EIF4A1: variants seen among roughly 807,000 people sequenced by gnomAD.
The protein encoded by EIF4A1 is eukaryotic translation initiation factor 4A1, also known as eukaryotic initiation factor 4A-I.
A neutral mutation model predicts 53.5 loss-of-function variants in EIF4A1; 11 were observed. That is an observed-to-expected ratio of 0.21 (90% CI 0.13 to 0.34). EIF4A1 has a LOEUF of 0.34. Among genes scored for constraint, EIF4A1 ranks in the 10% least tolerant of loss-of-function variants. EIF4A1 has a pLI of 1.00. For missense variants in EIF4A1, 213 were observed against 530.8 expected, an observed-to-expected ratio of 0.40 and a Z score of 5.88; for synonymous variants, 237 against 186.7, an observed-to-expected ratio of 1.27 and a Z score of -2.20.
At chr17:7,576,846 T>C (rs746358687) in intron 5 of EIF4A1, 154 bp downstream of exon 5, 1 of 1,437,772 alleles carries the variant, frequency 7.0e-7, no homozygotes. Flanking sequence ...CATCTGAGCC[T>C]CTGGCTTCCC....
intron 1 of EIF4A1, 29 bp downstream of exon 1, chr17:7,572,893 G>A (rs368130764): frequency 1.9e-5 from 31 of 1,614,184 alleles, no homozygotes; most frequent in African/African-American, 4.0e-5. Flanking sequence ...AGAGATTGTG[G>A]CTGCTTATTT....
rs1246431796 is a variant in EIF4A1, at chr17:7,577,931, C to T, written c.996+15C>T. On this transcript the variant is annotated intron_variant, in intron 9 of 10. Transcript: ENST00000293831. The surrounding 1 kb of genome is among the most constrained non-coding windows in gnomAD (Gnocchi z 4.7). ...CTGACCTGCTGGTGAGTAGAGGGAA[C>T]TGATAGCAAAGGCAGAAGGGAGGAT... 3 of 1,613,962 alleles carry T rather than the reference C, an allele frequency of 1.9e-6. No homozygotes were observed. Among genetic ancestry groups the T allele is most frequent in the South Asian group, 1.1e-5 (1 of 91,086 alleles).
chr17:7,576,443 A>C, intron 4 of EIF4A1, 81 bp from the exon 5 acceptor site: 1 of 1,477,512 alleles, frequency 6.8e-7, no homozygotes, highest in Non-Finnish European at 9.0e-7. Context: ...GTTGGTTAGG[A>C]ATCAATACAT....
chr17:7,572,936 A>G (rs2071342978), intron 1 of EIF4A1, 72 bp downstream of exon 1: 8 of 1,613,118 alleles, frequency 5.0e-6, no homozygotes, highest in Non-Finnish European at 6.8e-6. Context: ...CGCCGGGGGT[A>G]GCTGAGAGGC....
chr17:7,575,941 G>C (rs909779319), intron 4 of EIF4A1: 2 of 160,158 alleles, frequency 1.2e-5, no homozygotes, highest in African/African-American at 4.8e-5. Flanking sequence ...GGGAGGCCAA[G>C]GCAGGCAGAT....
rs2071415903 is a variant in EIF4A1, at chr17:7,577,326, G to A, written c.625-18G>A. The A allele has an allele frequency of 6.2e-7, 1 of 1,613,756 alleles. No individual in the cohort carries two copies. The highest frequency in any genetic ancestry group is 1.3e-5 in the African/African-American group (1 of 75,010). ...AGGAAGGAACCAGCACTCTAAGACTGGCCTTTTTTTCCACTAGGTAGTTTT... is the reference window on the plus strand; with the variant it reads ...AGGAAGGAACCAGCACTCTAAGACTAGCCTTTTTTTCCACTAGGTAGTTTT... On this transcript the variant is annotated intron_variant, in intron 6 of 10. Coordinates refer to ENST00000293831, the MANE Select transcript of EIF4A1 (RefSeq NM_001416.4). This position sits in a 1 kb window ranked among gnomAD's most constrained non-coding sequence, Gnocchi z 4.7.
chr17:7,574,912 C>T (rs2071380727), intron 3 of EIF4A1: 2 of 1,016,830 alleles, frequency 2.0e-6, no homozygotes, highest in Non-Finnish European at 3.1e-6. Flanking sequence ...GTTTCTAGTC[C>T]AGCTTGGTGT....
chr17:7,575,147 T>C lies in EIF4A1; in HGVS notation c.234T>C (p.Ser78=). Residue 78 remains serine (S), a synonymous_variant, in exon 4 of 11, where the codon TCT becomes TCC. Coordinates refer to ENST00000293831, the MANE Select transcript of EIF4A1 (RefSeq NM_001416.4). ...KGYDVIAQAQ[S]GTGKTATFAI... ...ATGATGTGATTGCTCAAGCCCAATC[T>C]GGGACTGGGAAAACGGCCACATTTG... The C allele has an allele frequency of 6.2e-7, 1 of 1,612,388 alleles. No homozygotes were observed. The highest frequency in any genetic ancestry group is 8.5e-7 in the Non-Finnish European group (1 of 1,179,994).
In EIF4A1 at chr17:7,578,697, T is replaced by A; in HGVS notation, c.*211T>A. 11 of 299,602 alleles carry A rather than the reference T, an allele frequency of 3.7e-5. No individual in the cohort carries two copies. Among genetic ancestry groups the A allele is most frequent in the Middle Eastern group, 9.4e-4 (1 of 1,060 alleles). 18.6% of individuals were successfully genotyped at this position (299,602 alleles called of 1,614,324 possible). ...CTCTTGCCCCAGGCGCCGGCTCTTC[T>A]CCCAAAAAAAAAAAAAAAACACTAA... is the stretch of plus-strand genomic sequence containing the variant. On this transcript the variant is annotated 3_prime_UTR_variant, in exon 11 of 11. Transcript: ENST00000293831.
chr17:7,574,760 A>T, intron 3 of EIF4A1, 82 bp downstream of exon 3: 1 of 1,599,002 alleles, frequency 6.3e-7, no homozygotes, highest in East Asian at 2.2e-5. Flanking sequence ...TGCCCATCTC[A>T]TATCAGCCAG....
rs147235946 is a variant in EIF4A1, at chr17:7,577,475, C to T, written c.756C>T (p.Asn252=). ...TLEGIRQFYI[N]VEREEWKLDT... is the part of the protein sequence containing the mutation. ...AGGGTATCCGCCAGTTCTACATCAA[C>T]GTGGAACGAGAGGTGGGGCCCAGTG... The change falls in exon 7 of 11, where the codon AAC becomes AAT. Residue 252 remains asparagine, a synonymous_variant. Coordinates refer to ENST00000293831, the MANE Select transcript of EIF4A1 (RefSeq NM_001416.4). The surrounding 1 kb of genome is among the most constrained non-coding windows in gnomAD (Gnocchi z 4.7). The T allele has an allele frequency of 4.8e-5, 77 of 1,614,138 alleles. No homozygotes were observed. The highest frequency in any genetic ancestry group is 4.1e-4 in the South Asian group (37 of 91,074).
At chr17:7,573,117 C>A in intron 1 of EIF4A1, 1 of 614,490 alleles carries the variant, frequency 1.6e-6, no homozygotes. Flanking sequence ...CGAGGCGGTG[C>A]CATGCGCGAA....
rs781209123 is a variant in EIF4A1, at chr17:7,576,589, C to T, written c.411C>T (p.Gly137=). Reference sequence around the variant, plus strand: ...CCTCCTGTCACGCCTGTATCGGGGGCACCAACGTGCGTGCTGAGGTGCAGA... The same window carrying T: ...CCTCCTGTCACGCCTGTATCGGGGGTACCAACGTGCGTGCTGAGGTGCAGA... ...MGASCHACIG[G]TNVRAEVQKL... is the part of the protein sequence containing the mutation. Residue 137 remains glycine (G), a synonymous_variant, in exon 5 of 11, where the codon GGC becomes GGT. Coordinates refer to ENST00000293831, the MANE Select transcript of EIF4A1 (RefSeq NM_001416.4). 3.1e-6 allele frequency: 5 copies of T among 1,613,928 alleles called. No homozygotes were observed. In the East Asian group the frequency reaches 8.9e-5, roughly 29 times the overall value.
At chr17:7,576,901 C>G in intron 5 of EIF4A1, 155 bp from the exon 6 acceptor site, 1 of 1,330,434 alleles carries the variant, frequency 7.5e-7, no homozygotes. Flanking sequence ...GGGCTGTTGT[C>G]TGCCTGGCGG....
At position 7,577,329 on chromosome 17, in the gene EIF4A1, C is replaced by T; in HGVS notation, c.625-15C>T. The T allele has an allele frequency of 1.9e-6, 3 of 1,613,764 alleles. No homozygotes were observed. The highest frequency in any genetic ancestry group is 2.5e-6 in the Non-Finnish European group (3 of 1,179,876). On this transcript the variant is annotated splice_polypyrimidine_tract_variant and intron_variant, in intron 6 of 10. Coordinates refer to ENST00000293831, the MANE Select transcript of EIF4A1 (RefSeq NM_001416.4). This position sits in a 1 kb window ranked among gnomAD's most constrained non-coding sequence, Gnocchi z 4.7. ...AAGGAACCAGCACTCTAAGACTGGCCTTTTTTTCCACTAGGTAGTTTTGCT... is the reference window on the plus strand; with the variant it reads ...AAGGAACCAGCACTCTAAGACTGGCTTTTTTTTCCACTAGGTAGTTTTGCT...
chr17:7,578,294 CT>C (rs1158726677), intron 10 of EIF4A1, 47 bp from the exon 11 acceptor site: 3 of 1,610,744 alleles, frequency 1.9e-6, no homozygotes, highest in Non-Finnish European at 1.7e-6. Flanking sequence ...CTGGCCCTCC[CT>C]GGGCTTAAAG....
Position 7,577,372 on chromosome 17 carries a change from C to G in EIF4A1, c.653C>G (p.Ser218Cys). 1 of 1,614,152 alleles carries G rather than the reference C, an allele frequency of 6.2e-7. No individual in the cohort carries two copies. The highest frequency in any genetic ancestry group is 8.5e-7 in the Non-Finnish European group (1 of 1,180,044). Residue 218 changes from serine to cysteine, a missense_variant, in exon 7 of 11, where the codon TCT (serine) becomes TGT (cysteine). Ser to Cys is a moderately radical substitution (Grantham distance 112). Coordinates refer to ENST00000293831, the MANE Select transcript of EIF4A1 (RefSeq NM_001416.4). This position sits in a 1 kb window ranked among gnomAD's most constrained non-coding sequence, Gnocchi z 4.7. ...QVVLLSATMP[S>C]DVLEVTKKFM... ...GTTTTGCTGTCAGCCACAATGCCTT[C>G]TGATGTGCTTGAGGTGACCAAGAAG...
chr17:7,577,286 A>G lies in EIF4A1; in HGVS notation c.625-58A>G, dbSNP rs1597851337. 1.2e-6 allele frequency: 2 copies of G among 1,600,400 alleles called. No individual in the cohort carries two copies. ...GCTTCAGTTTTAGGTGTGGCTAGGG[A>G]AGGGAGCAGGCCTCAGGAAGGAACC... On this transcript the variant is annotated intron_variant, in intron 6 of 10. Transcript: ENST00000293831. This position sits in a 1 kb window ranked among gnomAD's most constrained non-coding sequence, Gnocchi z 4.7.
In EIF4A1 at chr17:7,577,269, T is replaced by G. The variant is rs552548590; in HGVS notation, c.625-75T>G. On this transcript the variant is annotated intron_variant, in intron 6 of 10. Coordinates refer to ENST00000293831, the MANE Select transcript of EIF4A1 (RefSeq NM_001416.4). This position sits in a 1 kb window ranked among gnomAD's most constrained non-coding sequence, Gnocchi z 4.7. ...AGCCTTTTTATGCATCTGCTTCAGT[T>G]TTAGGTGTGGCTAGGGAAGGGAGCA... The G allele has an allele frequency of 6.3e-7, 1 of 1,586,920 alleles. No homozygotes were observed. The highest frequency in any genetic ancestry group is 8.6e-7 in the Non-Finnish European group (1 of 1,166,908).
Sources: allele counts gnomAD v4.1 joint callset, GRCh38; gene constraint gnomAD v4.1.1; non-coding constraint Gnocchi (gnomAD v3.1); transcripts MANE v1.5; gene names NCBI Gene and HGNC (gene_info 2026-07-23, HGNC 2026-07-21).